Variants in RANBP1 observed in about 807,000 individuals in gnomAD.
RANBP1 encodes ran-specific GTPase-activating protein.
RANBP1 carries 16 observed loss-of-function variants against 31.4 expected under a neutral mutation model. That is an observed-to-expected ratio of 0.51 (90% CI 0.34 to 0.77). The LOEUF (loss-of-function observed/expected upper bound fraction) is 0.77. RANBP1 is among the 30% of genes least tolerant of loss of function. The pLI is 0.01. For missense variants in RANBP1, 265 were observed against 362.0 expected, an observed-to-expected ratio of 0.73 and a Z score of 2.17; for synonymous variants, 129 against 140.5, an observed-to-expected ratio of 0.92 and a Z score of 0.58.
chr22:20,116,157 C>T lies in RANBP1; in HGVS notation c.-28C>T, dbSNP rs2147965859. On this transcript the variant is annotated 5_prime_UTR_variant, in exon 1 of 6. Transcript: ENST00000430524. ...CCACTCGTGTTACTGGTGGCTCACT[C>T]TCACCCTCCTGTCGCCTCCTCCTGG... 6.2e-7 allele frequency: 1 copy of T among 1,613,136 alleles called. No homozygotes were observed. Among genetic ancestry groups the T allele is most frequent in the Non-Finnish European group, 8.5e-7 (1 of 1,179,924 alleles).
chr22:20,123,849 G>A (rs1341100061), intron 3 of RANBP1, among the ~76,000 whole-genome samples: 1 of 152,060 alleles, frequency 6.6e-6, no homozygotes, highest in African/African-American at 2.4e-5. Context: ...CTTGTCCTGG[G>A]GTGTCCCTTG....
Position 20,116,295 on chromosome 22 carries a change from C to T in RANBP1, c.111C>T (p.Val37=). The part of the protein sequence containing the change: ...ALSLSAALRN[V]TKAQGGCPKS... ...CCCTCTCTGCAGCGCTGCGGAATGT[C>T]ACAAAGGCGCAGGGTGGTTGCCCAA... The change falls in exon 1 of 6, where the codon GTC becomes GTT. Residue 37 remains valine, a synonymous_variant. Transcript: ENST00000430524. 6.2e-7 allele frequency: 1 copy of T among 1,612,974 alleles called. No individual in the cohort carries two copies. Among genetic ancestry groups the T allele is most frequent in the Non-Finnish European group, 8.5e-7 (1 of 1,180,022 alleles).
intron 1 of RANBP1, chr22:20,117,616 G>A (rs989283430): frequency 2.6e-6 from 3 of 1,141,982 alleles, no homozygotes; most frequent in Non-Finnish European, 3.2e-6. Context: ...AGCGACGACC[G>A]ACCCAGCCGA....
chr22:20,126,345 A>C lies in RANBP1; in HGVS notation c.713A>C (p.Glu238Ala). The change falls in exon 5 of 6, where the codon GAG becomes GCG. Residue 238 changes from glutamate to alanine, a missense_variant. Transcript: ENST00000430524. ...ACAAAGTTTGAAGAATGCAGGAAAG[A>C]GATCGAAGAGAGAGAAAAGAAAGGT... ...FKTKFEECRK[E>A]IEEREKKAGS... 1 of 1,614,024 alleles carries C rather than the reference A, an allele frequency of 6.2e-7. No homozygotes were observed. Among genetic ancestry groups the C allele is most frequent in the South Asian group, 1.1e-5 (1 of 91,088 alleles).
chr22:20,120,592 G>T (rs1325039744), intron 2 of RANBP1, among the ~76,000 whole-genome samples: 3 of 152,220 alleles, frequency 2.0e-5, no homozygotes, highest in Non-Finnish European at 4.4e-5. Context: ...GTGCACAGAG[G>T]GAGGGCGCCA....
intron 5 of RANBP1, 121 bp downstream of exon 5, chr22:20,126,489 A>C: frequency 1.3e-6 from 2 of 1,597,172 alleles, no homozygotes; most frequent in Non-Finnish European, 1.7e-6. Flanking sequence ...TGGCCGCCTC[A>C]CGTATCCAGA....
chr22:20,125,688 G>A (rs1849260885), intron 4 of RANBP1: 10 of 1,363,734 alleles, frequency 7.3e-6, no homozygotes, highest in Non-Finnish European at 9.5e-6. Context: ...CCGCCTTGTG[G>A]CTGGCACTTT....
In RANBP1 at chr22:20,116,391, G is replaced by A; in HGVS notation, c.207G>A (p.Trp69Ter). The part of the protein sequence containing the change: ...RKRRTSLKLA[W>*]RGTFCSSSLK... ...GCCGGACGTCGCTGAAGCTGGCGTGGCGAGGCACGTTCTGCAGCTCCAGTT... is the reference window on the plus strand; with the variant it reads ...GCCGGACGTCGCTGAAGCTGGCGTGACGAGGCACGTTCTGCAGCTCCAGTT... Residue 69 changes from tryptophan (W) to a stop codon, truncating the protein, a stop_gained, in exon 1 of 6, where the codon TGG (tryptophan) becomes TGA (stop). Transcript: ENST00000430524. LOFTEE classifies it high-confidence loss of function. 6.2e-7 allele frequency: 1 copy of A among 1,612,020 alleles called. No individual in the cohort carries two copies. The highest frequency in any genetic ancestry group is 8.5e-7 in the Non-Finnish European group (1 of 1,179,142).
chr22:20,119,226 C>T (rs942222855), intron 2 of RANBP1, 77 bp downstream of exon 2: 1 of 1,444,784 alleles, frequency 6.9e-7, no homozygotes, highest in Non-Finnish European at 9.6e-7. Context: ...AGGTTTTGGC[C>T]TGACTTTTAA....
intron 3 of RANBP1, chr22:20,122,761 GTGGTGTCTGGGGGGTGGGGGT>G (rs2050202982): frequency 1.0e-6 from 1 of 994,908 alleles, no homozygotes; most frequent in Non-Finnish European, 1.2e-6. Flanking sequence ...GTGTGTGTGT[GTGGTGTCTGGGGGGTGGGGGT>G]TGGTGTCTGG....
rs2050189782 is a variant in RANBP1, at chr22:20,122,318, G to A, written c.438G>A (p.Glu146=). 1.2e-6 allele frequency: 2 copies of A among 1,613,262 alleles called. No homozygotes were observed. Among genetic ancestry groups the A allele is most frequent in the Middle Eastern group, 1.7e-4 (1 of 6,060 alleles). Reference sequence around the variant, plus strand: ...AGAACGATCTCCCAGAATGGAAGGAGCGAGGCACTGGTGACGTCAAGCTCC... The same window carrying A: ...AGAACGATCTCCCAGAATGGAAGGAACGAGGCACTGGTGACGTCAAGCTCC... ...ASENDLPEWK[E]RGTGDVKLLK... Residue 146 remains glutamate, a synonymous_variant, in exon 3 of 6, where the codon GAG becomes GAA. Coordinates refer to ENST00000430524, the MANE Select transcript of RANBP1 (RefSeq NM_001278639.2).
At chr22:20,116,873 C>A in intron 1 of RANBP1, 1 of 1,604,028 alleles carries the variant, frequency 6.2e-7, no homozygotes, top group East Asian at 2.3e-5. Flanking sequence ...AGCGTCTCCC[C>A]GCACTCTACC....
chr22:20,121,931 G>A (rs140592151), intron 2 of RANBP1, among the ~76,000 whole-genome samples: 54 of 152,202 alleles, frequency 3.5e-4, no homozygotes, highest in African/African-American at 1.2e-3. Context: ...TAGAGATGGG[G>A]TTTCACCATG....
At chr22:20,123,918 C>T (rs2050242606) in intron 3 of RANBP1, among the ~76,000 whole-genome samples, 1 of 152,098 alleles carries the variant, frequency 6.6e-6, no homozygotes, top group South Asian at 2.1e-4. Context: ...CAGGGTCCCT[C>T]ATCCCAGGTG....
At chr22:20,126,632 G>A (rs1418913997) in intron 5 of RANBP1, 9 of 1,520,616 alleles carry the variant, frequency 5.9e-6, no homozygotes, top group Non-Finnish European at 8.0e-6. Context: ...GGTGCTTTAT[G>A]ATGGTCCTCG....
At chr22:20,121,063 C>T (rs1256930703) in intron 2 of RANBP1, among the ~76,000 whole-genome samples, 1 of 152,168 alleles carries the variant, frequency 6.6e-6, no homozygotes, top group Non-Finnish European at 1.5e-5. Context: ...AAGCAATTTT[C>T]CTGCCTCAGC....
At chr22:20,119,682 A>AT (rs1384075677) in intron 2 of RANBP1, among the ~76,000 whole-genome samples, 1 of 151,946 alleles carries the variant, frequency 6.6e-6, no homozygotes, top group Non-Finnish European at 1.5e-5. Context: ...CGCCCAGCTA[A>AT]TTTTTTGTAT....
intron 3 of RANBP1, among the ~76,000 whole-genome samples, chr22:20,123,417 GGGGTGTGTGGTGTT>G (rs1203821310): frequency 0.012 from 837 of 70,196 alleles, 29 homozygotes; most frequent in South Asian, 0.049. Context: ...TGGGGGTGTT[GGGGTGTGTGGTGTT>G]GGGGGGGGTG....
At chr22:20,117,765 G>A (rs2050072573) in intron 1 of RANBP1, 3 of 1,069,462 alleles carry the variant, frequency 2.8e-6, no homozygotes, top group Non-Finnish European at 3.4e-6. Context: ...ACCTCCGCCG[G>A]CCTGCAGGCT....
Sources: allele counts gnomAD v4.1 joint callset (sites outside exome capture counted in the v4.1 genomes callset), GRCh38; gene constraint gnomAD v4.1.1; transcripts MANE v1.5; gene names NCBI Gene and HGNC (gene_info 2026-07-23, HGNC 2026-07-21).